WDR4: variants seen among roughly 807,000 people sequenced by gnomAD.
The protein encoded by WDR4 is tRNA (guanine-N(7)-)-methyltransferase non-catalytic subunit WDR4.
WDR4 carries 47 observed loss-of-function variants against 48.6 expected under a neutral mutation model. The observed-to-expected ratio is 0.97, with a 90% CI of 0.77 to 1.23. The LOEUF is 1.23. WDR4 is among the 50% of genes most tolerant of loss of function. The pLI is 0.00. For synonymous variants in WDR4, 268 were observed against 230.0 expected, an observed-to-expected ratio of 1.17 and a Z score of -1.49; for missense variants, 606 against 551.6, an observed-to-expected ratio of 1.10 and a Z score of -0.99.
chr21:42,863,694 T>G, intron 3 of WDR4, 98 bp from the exon 4 acceptor site: 2 of 1,346,930 alleles, frequency 1.5e-6, no homozygotes, highest in Non-Finnish European at 2.0e-6. Context: ...CACCGGTACC[T>G]GGCCATATGC....
downstream of WDR4, among the ~76,000 whole-genome samples, chr21:42,847,006 C>T (rs2057716443): frequency 6.7e-6 from 1 of 150,176 alleles, no homozygotes; most frequent in African/African-American, 2.5e-5. Context: ...CCACCGCACT[C>T]CAGCCTGGGC....
chr21:42,859,515 G>C, intron 6 of WDR4, 147 bp downstream of exon 6: 2 of 820,446 alleles, frequency 2.4e-6, no homozygotes, highest in Non-Finnish European at 3.9e-6. Context: ...GGCGGGGAGC[G>C]AGCCGCAGGC....
At chr21:42,854,721 C>T (rs548385277) in intron 7 of WDR4, 95 bp from the exon 8 acceptor site, 30 of 1,152,730 alleles carry the variant, frequency 2.6e-5, no homozygotes, top group Non-Finnish European at 3.3e-5. Flanking sequence ...AGGACGCTCA[C>T]GCCCCCACAT....
intron 9 of WDR4, 135 bp downstream of exon 9, chr21:42,853,432 GAC>G: frequency 1.9e-6 from 2 of 1,051,886 alleles, no homozygotes; most frequent in Non-Finnish European, 2.7e-6. Flanking sequence ...TGCCATTCAG[GAC>G]ACAGACCCTG....
intron 2 of WDR4, 88 bp from the exon 3 acceptor site, chr21:42,873,779 G>A: frequency 4.7e-6 from 7 of 1,498,534 alleles, no homozygotes; most frequent in Non-Finnish European, 5.4e-6. Context: ...TTTCTAACAT[G>A]GGAGGAGGTA....
chr21:42,886,868 G>GA, the WDR4 span: 1 of 152,248 alleles, frequency 6.6e-6, no homozygotes, highest in Non-Finnish European at 1.5e-5. Context: ...AAAGGGAAGA[G>GA]AAACAAGGGT....
Position 42,879,512 on chromosome 21 carries a change from C to T in WDR4, c.-17G>A. 6.2e-7 allele frequency: 1 copy of T among 1,612,746 alleles called. No homozygotes were observed. Among genetic ancestry groups the T allele is most frequent in the Middle Eastern group, 1.7e-4 (1 of 6,060 alleles). ...GCCCGCCATGTACCCGCCCGCCTCA[C>T]CGCCATACACATGTGCCAGCCCAGA... On this transcript the variant is annotated 5_prime_UTR_variant, in exon 1 of 11. It adds an upstream start codon to the 5' untranslated region. Coordinates refer to ENST00000398208, the MANE Select transcript of WDR4 (RefSeq NM_018669.6).
intron 8 of WDR4, 74 bp downstream of exon 8, chr21:42,854,488 A>T (rs1282813692): frequency 6.7e-7 from 1 of 1,493,620 alleles, no homozygotes; most frequent in Non-Finnish European, 9.1e-7. Flanking sequence ...GACGTGGGCC[A>T]GTGGCCAACC....
At chr21:42,888,541 C>T in the WDR4 span, among the ~76,000 whole-genome samples, 2 of 151,806 alleles carry the variant, frequency 1.3e-5, no homozygotes, top group Admixed American at 1.3e-4. Context: ...GCCTGGGTGA[C>T]AGAGTGAGAC....
chr21:42,869,395 A>G (rs757748224), intron 3 of WDR4, among the ~76,000 whole-genome samples: 1 of 152,164 alleles, frequency 6.6e-6, no homozygotes, highest in South Asian at 2.1e-4. Context: ...CCGTGTACAC[A>G]TCGGCACGTG....
chr21:42,859,766 C>T (rs1387473973), intron 5 of WDR4, 44 bp from the exon 6 acceptor site: 1 of 1,549,078 alleles, frequency 6.5e-7, no homozygotes, highest in Admixed American at 2.0e-5. Flanking sequence ...AGCCCAGCGC[C>T]CGCAGGGACC....
At chr21:42,871,555 G>C (rs940411041) in intron 3 of WDR4, among the ~76,000 whole-genome samples, 8 of 152,340 alleles carry the variant, frequency 5.3e-5, no homozygotes, top group African/African-American at 1.9e-4. Flanking sequence ...CTTAGCAAGA[G>C]GATGCCGTTC....
At chr21:42,867,306 G>A (rs764678557) in intron 3 of WDR4, among the ~76,000 whole-genome samples, 2 of 150,896 alleles carry the variant, frequency 1.3e-5, no homozygotes, top group South Asian at 2.1e-4. Flanking sequence ...CAGGAGAATC[G>A]CTTGAACCCA....
chr21:42,849,909 G>C lies in WDR4; in HGVS notation c.*140C>G. The C allele has an allele frequency of 9.7e-7, 1 of 1,029,458 alleles. No homozygotes were observed. Among genetic ancestry groups the C allele is most frequent in the Non-Finnish European group, 1.4e-6 (1 of 707,288 alleles). 63.8% of individuals were successfully genotyped at this position (1,029,458 alleles called of 1,614,324 possible). A position where few individuals can be genotyped will look rare whatever the true frequency, so the allele number is the denominator to read the frequency against. ...GGTGACACAGAATGTTCTTTCTAGAGCCCAGGGGACAGCCCCATCCTCTGA... is the reference window on the plus strand; with the variant it reads ...GGTGACACAGAATGTTCTTTCTAGACCCCAGGGGACAGCCCCATCCTCTGA... On this transcript the variant is annotated 3_prime_UTR_variant, in exon 11 of 11. Transcript: ENST00000398208.
downstream of WDR4, among the ~76,000 whole-genome samples, chr21:42,848,607 T>TCACA (rs773037951): frequency 2.0e-5 from 1 of 48,936 alleles, no homozygotes; most frequent in Non-Finnish European, 3.5e-5. Flanking sequence ...AGCGTGCACC[T>TCACA]CACACACAGC....
chr21:42,852,761 C>G (rs1347531158), intron 9 of WDR4, among the ~76,000 whole-genome samples: 2 of 152,044 alleles, frequency 1.3e-5, no homozygotes, highest in African/African-American at 4.8e-5. Flanking sequence ...ACTAAAAATA[C>G]AAAATTAGCC....
Position 42,862,165 on chromosome 21 carries a change from G to A in WDR4, c.566+117C>T, listed in dbSNP as rs1488452977. 2.3e-6 allele frequency: 2 copies of A among 878,990 alleles called. No individual in the cohort carries two copies. Among genetic ancestry groups the A allele is most frequent in the East Asian group, 2.7e-5 (1 of 37,656 alleles). 54.4% of individuals were successfully genotyped at this position (878,990 alleles called of 1,614,324 possible). A position where few individuals can be genotyped will look rare whatever the true frequency, so the allele number is the denominator to read the frequency against. ...TGCAGTGACCAAACACCAAGCACGG[G>A]GGCTGCTGTCACCCGCGTGGGGCCT... On this transcript the variant is annotated intron_variant, in intron 5 of 10. Coordinates refer to ENST00000398208, the MANE Select transcript of WDR4 (RefSeq NM_018669.6). This position sits in a 1 kb window ranked among gnomAD's most constrained non-coding sequence, Gnocchi z 4.3.
downstream of WDR4, among the ~76,000 whole-genome samples, chr21:42,847,544 C>T (rs535091001): frequency 2.6e-5 from 4 of 152,336 alleles, no homozygotes; most frequent in Admixed American, 6.5e-5. Flanking sequence ...AGTAGCCCCG[C>T]GGTCCTGGTG....
At chr21:42,872,943 A>C (rs1239675425) in intron 3 of WDR4, among the ~76,000 whole-genome samples, 3 of 152,208 alleles carry the variant, frequency 2.0e-5, no homozygotes, top group African/African-American at 7.2e-5. Flanking sequence ...GTCTCAAAAA[A>C]ATAAAAAAGG....
Sources: gnomAD v4.1 joint callset for allele counts (sites outside exome capture counted in the v4.1 genomes callset) on GRCh38, gnomAD v4.1.1 for gene constraint, Gnocchi (gnomAD v3.1) non-coding constraint, MANE v1.5 for transcripts, NCBI Gene and HGNC (gene_info 2026-07-23, HGNC 2026-07-21) for gene names.